The following TNFSF10 variants were observed in gnomAD, a reference collection of about 807,000 sequenced individuals.
TNFSF10 encodes TNF superfamily member 10.
TNFSF10 carries 13 observed loss-of-function variants against 29.5 expected under a neutral mutation model. That is an observed-to-expected ratio of 0.44 (90% confidence interval 0.29 to 0.70). The LOEUF (loss-of-function observed/expected upper bound fraction) is 0.70. Ranked by LOEUF, TNFSF10 falls within the 30% of genes least tolerant of loss-of-function variation. TNFSF10 has a pLI of 0.13. For synonymous variants in TNFSF10, 111 were observed against 112.8 expected, an observed-to-expected ratio of 0.98 and a Z score of 0.10; for missense variants, 345 against 330.9, an observed-to-expected ratio of 1.04 and a Z score of -0.33.
chr3:172,523,426 C>T lies in TNFSF10; in HGVS notation c.-42G>A, dbSNP rs557828610. The stretch of plus-strand genomic sequence containing the variant: ...GACTGCTGTAAGTCAGCCAGGCAGC[C>T]GGTCACTGAAGCCCTTCCTTCTCTA... On this transcript the variant is annotated 5_prime_UTR_variant, in exon 1 of 5. Transcript: ENST00000241261. 2.7e-5 allele frequency: 43 copies of T among 1,591,436 alleles called. 1 individual carries two copies. The South Asian group carries it at 3.6e-4, about 13-fold the overall frequency.
chr3:172,523,359 C>G lies in TNFSF10; in HGVS notation c.26G>C (p.Gly9Ala), dbSNP rs138912628. ...CACGCAGGTCTGTCCCAGGCTGGGT[C>G]CCCCCTGGACCTCCATCATAGCCAT... MAMMEVQGGPSLGQTCVLI... is the reference protein window; with the variant it reads MAMMEVQGAPSLGQTCVLI... Residue 9 changes from glycine to alanine, a missense_variant, in exon 1 of 5, where the codon GGA becomes GCA. By Grantham distance (60) the Gly-to-Ala change is moderately conservative. Transcript: ENST00000241261. The G allele has an allele frequency of 1.5e-5, 24 of 1,612,798 alleles. No individual in the cohort carries two copies. In the Admixed American group the frequency reaches 1.5e-4, roughly 10 times the overall value.
In TNFSF10 at chr3:172,506,434, T is replaced by C; in HGVS notation, c.*58A>G. ...GATTTTTTGAAACATCTTCATAGTGTATCATCCTGAAAACTGAATAGTCAC... is the reference window on the plus strand; with the variant it reads ...GATTTTTTGAAACATCTTCATAGTGCATCATCCTGAAAACTGAATAGTCAC... On this transcript the variant is annotated 3_prime_UTR_variant, in exon 5 of 5. Coordinates refer to ENST00000241261, the MANE Select transcript of TNFSF10 (RefSeq NM_003810.4). 1 of 1,514,138 alleles carries C rather than the reference T, an allele frequency of 6.6e-7. No individual in the cohort carries two copies. Among genetic ancestry groups the C allele is most frequent in the East Asian group, 2.3e-5 (1 of 44,304 alleles). 93.8% of individuals were successfully genotyped at this position (1,514,138 alleles called of 1,614,324 possible). A position where few individuals can be genotyped will look rare whatever the true frequency, so the allele number is the denominator to read the frequency against.
chr3:172,507,546 A>G (rs981992506), intron 4 of TNFSF10: 3 of 152,262 alleles, frequency 2.0e-5, no homozygotes, highest in African/African-American at 7.2e-5. Flanking sequence ...TTTTGAATGA[A>G]AAATGAACCT....
chr3:172,508,111 G>A (rs530051217), intron 4 of TNFSF10, among the ~76,000 whole-genome samples: 6 of 152,132 alleles, frequency 3.9e-5, no homozygotes, highest in East Asian at 1.9e-4. Context: ...GGGAGGCCGG[G>A]GGGGTGTGGA....
chr3:172,506,523 G>A lies in TNFSF10; in HGVS notation c.815C>T (p.Ala272Val), dbSNP rs377414486. 1.9e-5 allele frequency: 30 copies of A among 1,608,104 alleles called. No individual in the cohort carries two copies. Among genetic ancestry groups the A allele is most frequent in the Middle Eastern group, 3.3e-4 (2 of 6,060 alleles). The change falls in exon 5 of 5, where the codon GCC becomes GTC. Residue 272 changes from alanine to valine, a missense_variant. Physicochemically the swap from Ala to Val is moderately conservative, Grantham distance 64 (BLOSUM62 0). Coordinates refer to ENST00000241261, the MANE Select transcript of TNFSF10 (RefSeq NM_003810.4). ...AACTAAAAAGGCCCCAAAAAAACTG[G>A]CTTCATGGTCCATGTCTATCAAGTG... The part of the protein sequence containing the change: ...NEHLIDMDHE[A>V]SFFGAFLVG
At chr3:172,518,212 G>T (rs1028469096) in intron 1 of TNFSF10, 22 of 1,112,014 alleles carry the variant, frequency 2.0e-5, no homozygotes, top group Non-Finnish European at 2.4e-5. Context: ...TTTCATTTGC[G>T]TGCCTCTGAA....
intron 4 of TNFSF10, among the ~76,000 whole-genome samples, chr3:172,508,688 G>A (rs542441957): frequency 2.0e-5 from 3 of 152,226 alleles, no homozygotes; most frequent in Admixed American, 6.5e-5. Context: ...TCGGGAGTTC[G>A]AGACCAGCCT....
rs1712997427 is a variant in TNFSF10, at chr3:172,506,678, T to C, written c.660A>G (p.Ile220Met). Residue 220 changes from isoleucine (I) to methionine (M), a missense_variant, in exon 5 of 5, where the codon ATA (isoleucine) becomes ATG (methionine). Ile to Met is a conservative substitution (Grantham distance 10, BLOSUM62 1). Coordinates refer to ENST00000241261, the MANE Select transcript of TNFSF10 (RefSeq NM_003810.4). ...IYKYTSYPDP[I>M]LLMKSARNSC... ...TATTTCTAGCACTTTTCATCAACAA[T>C]ATAGGGTCAGGATAACTTGTGTATT... 6.2e-7 allele frequency: 1 copy of C among 1,614,204 alleles called. No individual in the cohort carries two copies. Among genetic ancestry groups the C allele is most frequent in the Non-Finnish European group, 8.5e-7 (1 of 1,180,028 alleles).
intron 4 of TNFSF10, chr3:172,507,211 G>A (rs936464146): frequency 8.6e-6 from 3 of 348,932 alleles, no homozygotes; most frequent in Non-Finnish European, 1.0e-5. Flanking sequence ...GTAGCACAAG[G>A]GATGGCCCAC....
chr3:172,511,455 T>C (rs1713220926), intron 3 of TNFSF10, 162 bp downstream of exon 3: 3 of 524,246 alleles, frequency 5.7e-6, no homozygotes, highest in Non-Finnish European at 6.6e-6. Flanking sequence ...TAGCTGCCAA[T>C]GTAAAGAGGG....
chr3:172,507,690 A>C (rs1713041720), intron 4 of TNFSF10, among the ~76,000 whole-genome samples: 1 of 152,222 alleles, frequency 6.6e-6, no homozygotes, highest in Non-Finnish European at 1.5e-5. Flanking sequence ...CCTCACTTGT[A>C]GGCAGAACAT....
At chr3:172,517,285 C>T (rs1404812091) in intron 1 of TNFSF10, 6 of 970,706 alleles carry the variant, frequency 6.2e-6, no homozygotes, top group Non-Finnish European at 7.3e-6. Context: ...CAGGTTAGCA[C>T]CAATTGCTGG....
chr3:172,509,379 T>A, intron 3 of TNFSF10, 58 bp from the exon 4 acceptor site: 1 of 1,375,112 alleles, frequency 7.3e-7, no homozygotes, highest in South Asian at 1.2e-5. Flanking sequence ...TCCAATACCT[T>A]GCTCTTCATA....
intron 4 of TNFSF10, among the ~76,000 whole-genome samples, chr3:172,508,686 TC>T (rs1713095191): frequency 6.6e-6 from 1 of 152,038 alleles, no homozygotes; most frequent in Non-Finnish European, 1.5e-5. Context: ...GGTCGGGAGT[TC>T]GAGACCAGCC....
chr3:172,512,541 G>A (rs1374590177), intron 2 of TNFSF10, among the ~76,000 whole-genome samples: 1 of 152,152 alleles, frequency 6.6e-6, no homozygotes, highest in Admixed American at 6.5e-5. Flanking sequence ...TCCCTCCACC[G>A]CAAGCCCTGA....
chr3:172,510,179 C>A (rs915570980), intron 3 of TNFSF10, among the ~76,000 whole-genome samples: 1 of 152,136 alleles, frequency 6.6e-6, no homozygotes, highest in African/African-American at 2.4e-5. Flanking sequence ...GGACTTACAG[C>A]CTTCTACAGA....
chr3:172,506,696 T>A lies in TNFSF10; in HGVS notation c.642A>T (p.Thr214=), dbSNP rs745816027. Residue 214 remains threonine (T), a synonymous_variant, in exon 5 of 5, where the codon ACA becomes ACT. Transcript: ENST00000241261. The stretch of plus-strand genomic sequence containing the variant: ...TCAACAATATAGGGTCAGGATAACT[T>A]GTGTATTTGTAAATATATTGGACCA... The part of the protein sequence containing the change: ...KQMVQYIYKY[T]SYPDPILLMK... The A allele has an allele frequency of 2.5e-6, 4 of 1,614,202 alleles. No homozygotes were observed. In the South Asian group the frequency reaches 3.3e-5, roughly 13 times the overall value.
At chr3:172,512,260 A>G (rs971693336) in intron 2 of TNFSF10, among the ~76,000 whole-genome samples, 5 of 152,174 alleles carry the variant, frequency 3.3e-5, no homozygotes, top group African/African-American at 4.8e-5. Flanking sequence ...ATATTTTACC[A>G]TCTTCCCATA....
chr3:172,515,673 T>A (rs1468645591), intron 1 of TNFSF10, among the ~76,000 whole-genome samples: 2 of 152,274 alleles, frequency 1.3e-5, no homozygotes, highest in East Asian at 3.9e-4. Flanking sequence ...TTCTCCCTGT[T>A]CTGATTGAAA....
Sources: allele counts gnomAD v4.1 joint callset (sites outside exome capture counted in the v4.1 genomes callset), GRCh38; gene constraint gnomAD v4.1.1; transcripts MANE v1.5; gene names NCBI Gene and HGNC (gene_info 2026-07-23, HGNC 2026-07-21).